The following CECR2 variants were observed in gnomAD, a reference collection of about 807,000 sequenced individuals.
The protein encoded by CECR2 is chromatin remodeling regulator CECR2.
In CECR2, 30 loss-of-function variants were observed where a neutral mutation model predicts 154.5. That is an observed-to-expected ratio of 0.19 (90% CI 0.15 to 0.26). CECR2 has a LOEUF of 0.26. Among genes scored for constraint, CECR2 ranks in the 10% least tolerant of loss-of-function variants. The pLI, the probability that CECR2 is intolerant of heterozygous loss-of-function variation, is 1.00. For synonymous variants in CECR2, 725 were observed against 683.7 expected, an observed-to-expected ratio of 1.06 and a Z score of -0.94; for missense variants, 1,743 against 1,829.3, an observed-to-expected ratio of 0.95 and a Z score of 0.86.
At chr22:17,529,932 C>T (rs536429452) in intron 9 of CECR2, among the ~76,000 whole-genome samples, 1 of 152,132 alleles carries the variant, frequency 6.6e-6, no homozygotes, top group Admixed American at 6.5e-5. Context: ...ACTAATCAGA[C>T]ACTTTTAAAA....
intron 1 of CECR2, among the ~76,000 whole-genome samples, chr22:17,383,657 CTTTTTTTTTTT>C (rs57665657): frequency 9.6e-6 from 1 of 104,278 alleles, no homozygotes; most frequent in Non-Finnish European, 1.8e-5. Context: ...TTCAGGTCCA[CTTTTTTTTTTT>C]TTTTTTTTTT....
intron 1 of CECR2, among the ~76,000 whole-genome samples, chr22:17,423,619 T>C (rs1420082602): frequency 6.6e-6 from 1 of 152,220 alleles, no homozygotes; most frequent in East Asian, 1.9e-4. Context: ...CTCACCATGA[T>C]AACCTGGTAG....
chr22:17,462,907 G>A (rs5747179), intron 1 of CECR2, among the ~76,000 whole-genome samples: 21,300 of 151,940 alleles, frequency 0.14, 2,116 homozygotes, highest in East Asian at 0.52. Flanking sequence ...TCGAGACTCC[G>A]TCTCAAAAAA....
chr22:17,404,824 A>T (rs1172261426), intron 1 of CECR2, among the ~76,000 whole-genome samples: 1 of 152,110 alleles, frequency 6.6e-6, no homozygotes, highest in East Asian at 1.9e-4. Flanking sequence ...GCTATTTTAT[A>T]TTTTTTATAT....
chr22:17,406,497 TG>T (rs1569061190), intron 1 of CECR2, among the ~76,000 whole-genome samples: 1 of 152,176 alleles, frequency 6.6e-6, no homozygotes, highest in Admixed American at 6.5e-5. Context: ...CACTCCACCC[TG>T]GGGGGTGACA....
intron 1 of CECR2, among the ~76,000 whole-genome samples, chr22:17,371,238 T>C (rs1354675676): frequency 1.3e-5 from 2 of 151,860 alleles, no homozygotes; most frequent in African/African-American, 4.8e-5. Context: ...ATCAAAAGGG[T>C]TGGGGATGGG....
At chr22:17,404,938 G>A (rs186772635) in intron 1 of CECR2, among the ~76,000 whole-genome samples, 2 of 152,060 alleles carry the variant, frequency 1.3e-5, no homozygotes, top group Admixed American at 6.5e-5. Flanking sequence ...GTAGAAAATG[G>A]GCCTCTTAAC....
intron 7 of CECR2, among the ~76,000 whole-genome samples, chr22:17,506,685 G>A (rs1026761624): frequency 1.3e-5 from 2 of 151,994 alleles, no homozygotes; most frequent in Admixed American, 6.6e-5. Flanking sequence ...ACAGAGACTC[G>A]CTCTGTCACT....
chr22:17,509,662 CTTGACAGAAG>C (rs1161980103), intron 7 of CECR2, among the ~76,000 whole-genome samples: 2 of 152,096 alleles, frequency 1.3e-5, no homozygotes, highest in Non-Finnish European at 2.9e-5. Flanking sequence ...AATGCTATCA[CTTGACAGAAG>C]TTTTTGTTTA....
chr22:17,426,981 G>C (rs915782636), intron 1 of CECR2, among the ~76,000 whole-genome samples: 8 of 151,934 alleles, frequency 5.3e-5, no homozygotes, highest in African/African-American at 1.9e-4. Context: ...ATTTACATTA[G>C]GTATTTCTCC....
chr22:17,496,571 T>C (rs2055632931), intron 2 of CECR2, among the ~76,000 whole-genome samples: 2 of 152,212 alleles, frequency 1.3e-5, no homozygotes, highest in Middle Eastern at 6.8e-3. Flanking sequence ...TTAAAGTTCA[T>C]GTATAATAGA....
At chr22:17,489,538 C>T (rs1003716311) in intron 2 of CECR2, among the ~76,000 whole-genome samples, 3 of 152,204 alleles carry the variant, frequency 2.0e-5, no homozygotes, top group Non-Finnish European at 2.9e-5. Flanking sequence ...CCACTGCAGC[C>T]TCGACCTCCT....
At chr22:17,539,558 C>T (rs192526328) in intron 13 of CECR2, among the ~76,000 whole-genome samples, 77 of 152,100 alleles carry the variant, frequency 5.1e-4, no homozygotes, top group African/African-American at 1.7e-3. Flanking sequence ...ATACATATAC[C>T]TAATGTAAAT....
chr22:17,500,238 A>T (rs947470268), intron 4 of CECR2, among the ~76,000 whole-genome samples: 1 of 150,564 alleles, frequency 6.6e-6, no homozygotes, highest in Non-Finnish European at 1.5e-5. Context: ...GAATTTAATG[A>T]TGTAGTTTAT....
chr22:17,374,114 G>A (rs916477784), intron 1 of CECR2, among the ~76,000 whole-genome samples: 1 of 152,176 alleles, frequency 6.6e-6, no homozygotes, highest in African/African-American at 2.4e-5. Flanking sequence ...CAAAATGGTC[G>A]TGTAGAATTA....
intron 1 of CECR2, among the ~76,000 whole-genome samples, chr22:17,397,878 A>G (rs1176392083): frequency 1.3e-5 from 2 of 152,140 alleles, no homozygotes; most frequent in African/African-American, 4.8e-5. Flanking sequence ...AGGAAAGATG[A>G]TGCTTAGTAT....
At chr22:17,445,934 A>G (rs948910205) in intron 1 of CECR2, among the ~76,000 whole-genome samples, 1 of 152,126 alleles carries the variant, frequency 6.6e-6, no homozygotes, top group African/African-American at 2.4e-5. Context: ...CTATAATGCT[A>G]TATGCATAGC....
chr22:17,481,450 C>T (rs976423959), intron 2 of CECR2, among the ~76,000 whole-genome samples: 6 of 151,050 alleles, frequency 4.0e-5, no homozygotes, highest in African/African-American at 9.8e-5. Context: ...GAGGATTAAA[C>T]GAAATGATGA....
In CECR2 at chr22:17,549,783, G is replaced by GTTTT. The variant is rs1491166897; in HGVS notation, c.4277+219_4277+220insTTTT. 1.0e-3 allele frequency among the ~76,000 whole-genome samples: 90 copies of GTTTT among 88,766 alleles called. 10 individuals are homozygous for GTTTT. The highest frequency in any genetic ancestry group is 9.9e-4 in the Admixed American group (7 of 7,074). 58.2% of individuals were successfully genotyped at this position (88,766 alleles called of 152,430 possible). ...TGCCACCACACCCAGCTAACTTTTT[G>GTTTT]GTTTTTTTTTTTTTTTTTTTTTGGT... On this transcript the variant is annotated intron_variant, in intron 17 of 18. Coordinates refer to ENST00000262608, the MANE Select transcript of CECR2 (RefSeq NM_001290047.2).
Sources: gnomAD v4.1 joint callset for allele counts (sites outside exome capture counted in the v4.1 genomes callset) on GRCh38, gnomAD v4.1.1 for gene constraint, MANE v1.5 for transcripts, NCBI Gene and HGNC (gene_info 2026-07-23, HGNC 2026-07-21) for gene names.